Variants in SH3BGRL2 observed in about 807,000 individuals in gnomAD.
The protein encoded by SH3BGRL2 is SH3 domain-binding glutamic acid-rich-like protein 2.
In SH3BGRL2, 21 loss-of-function variants were observed where a neutral mutation model predicts 14.8. The observed-to-expected ratio is 1.42, with a 90% CI of 1.01 to 2.05. SH3BGRL2 has a LOEUF of 2.05. Among genes scored for constraint, SH3BGRL2 ranks in the 30% most tolerant of loss-of-function variants. The pLI, the probability that SH3BGRL2 is intolerant of heterozygous loss-of-function variation, is 0.00. For missense variants in SH3BGRL2, 147 were observed against 130.8 expected, an observed-to-expected ratio of 1.12 and a Z score of -0.61; for synonymous variants, 50 against 47.8, an observed-to-expected ratio of 1.05 and a Z score of -0.19.
At chr6:79,631,574 G>T (rs1346824838) in intron 1 of SH3BGRL2, 68 bp downstream of exon 1, 2 of 1,259,150 alleles carry the variant, frequency 1.6e-6, no homozygotes, top group African/African-American at 1.5e-5. Flanking sequence ...GGCGCGCGGC[G>T]CTCGTCACTG....
chr6:79,579,551 G>A, the SH3BGRL2 span, among the ~76,000 whole-genome samples: 1 of 152,120 alleles, frequency 6.6e-6, no homozygotes, highest in African/African-American at 2.4e-5. Context: ...GCCAAACTAA[G>A]CTTCATAAGT....
chr6:79,546,768 CT>C, the SH3BGRL2 span, among the ~76,000 whole-genome samples: 1 of 151,624 alleles, frequency 6.6e-6, no homozygotes, highest in South Asian at 2.1e-4. Flanking sequence ...TCTCAGCTCA[CT>C]GTAACCTCCG....
At chr6:79,671,649 C>T (rs1769775295) in intron 1 of SH3BGRL2, among the ~76,000 whole-genome samples, 1 of 152,204 alleles carries the variant, frequency 6.6e-6, no homozygotes, top group East Asian at 1.9e-4. Flanking sequence ...GCTATTTGGA[C>T]TCTGGAATTA....
chr6:79,539,273 T>C, the SH3BGRL2 span, among the ~76,000 whole-genome samples: 1 of 152,234 alleles, frequency 6.6e-6, no homozygotes, highest in Non-Finnish European at 1.5e-5. Flanking sequence ...TTTATGACAT[T>C]ACATGGTTTT....
chr6:79,684,586 A>G (rs1562157567), intron 2 of SH3BGRL2, among the ~76,000 whole-genome samples: 1 of 152,180 alleles, frequency 6.6e-6, no homozygotes, highest in African/African-American at 2.4e-5. Context: ...CTGTTGGGAC[A>G]TGCCTTGTCA....
chr6:79,668,419 C>T (rs748126775), intron 1 of SH3BGRL2, among the ~76,000 whole-genome samples: 3 of 152,190 alleles, frequency 2.0e-5, no homozygotes, highest in Non-Finnish European at 4.4e-5. Context: ...CAGGAGACCC[C>T]GCAGCTTACT....
chr6:79,664,268 G>T (rs993233830), intron 1 of SH3BGRL2, among the ~76,000 whole-genome samples: 1 of 152,250 alleles, frequency 6.6e-6, no homozygotes, highest in African/African-American at 2.4e-5. Context: ...GGGATCTGCA[G>T]ACTGGAGCTG....
chr6:79,570,705 C>T, the SH3BGRL2 span, among the ~76,000 whole-genome samples: 1 of 152,192 alleles, frequency 6.6e-6, no homozygotes, highest in African/African-American at 2.4e-5. Context: ...TGTTCCAAGG[C>T]TAGAGATAAG....
At chr6:79,579,505 A>C in the SH3BGRL2 span, among the ~76,000 whole-genome samples, 1 of 152,228 alleles carries the variant, frequency 6.6e-6, no homozygotes, top group Non-Finnish European at 1.5e-5. Flanking sequence ...CAACATTCTT[A>C]AAGAAAAGAA....
intron 2 of SH3BGRL2, among the ~76,000 whole-genome samples, chr6:79,691,717 G>C (rs1463631962): frequency 2.0e-5 from 3 of 151,012 alleles, no homozygotes; most frequent in African/African-American, 4.9e-5. Context: ...AGTATTCCAT[G>C]GTGTATATGT....
At chr6:79,686,958 C>T (rs900532004) in intron 2 of SH3BGRL2, among the ~76,000 whole-genome samples, 3 of 152,160 alleles carry the variant, frequency 2.0e-5, no homozygotes, top group Non-Finnish European at 2.9e-5. Context: ...TTTTCCCTTT[C>T]TGTGTCTGAT....
the SH3BGRL2 span, among the ~76,000 whole-genome samples, chr6:79,588,703 T>G: frequency 3.3e-5 from 5 of 152,202 alleles, no homozygotes; most frequent in Non-Finnish European, 2.9e-5. Flanking sequence ...ATGCTTTGCT[T>G]CCACATAGGT....
intron 1 of SH3BGRL2, among the ~76,000 whole-genome samples, chr6:79,665,336 T>C (rs1345351604): frequency 2.0e-5 from 3 of 152,224 alleles, no homozygotes; most frequent in African/African-American, 7.2e-5. Flanking sequence ...ATAAGATAGC[T>C]ATGGAGATTT....
upstream of SH3BGRL2, chr6:79,631,206 G>A (rs16879589): frequency 6.0e-4 from 229 of 381,978 alleles, 3 homozygotes; most frequent in East Asian, 8.1e-3. Flanking sequence ...ACTCCAGGGA[G>A]AGACGGAAAC....
chr6:79,659,222 GT>G lies in SH3BGRL2; in HGVS notation c.46-14391del, dbSNP rs562997897. On this transcript the variant is annotated intron_variant, in intron 1 of 3. Coordinates refer to ENST00000369838, the MANE Select transcript of SH3BGRL2 (RefSeq NM_031469.4). ...TCCTGAAGTCCTTGCCCATACCTAT[GT>G]CCTGAATGGTATTGACTAGGTTTTC... Among the ~76,000 whole-genome samples, 513 of 152,222 alleles carry G rather than the reference GT, an allele frequency of 3.4e-3. 6 individuals carry two copies. The highest frequency in any genetic ancestry group is 0.011 in the African/African-American group (464 of 41,538).
the SH3BGRL2 span, among the ~76,000 whole-genome samples, chr6:79,553,895 G>C: frequency 6.6e-6 from 1 of 151,854 alleles, no homozygotes; most frequent in South Asian, 2.1e-4. Flanking sequence ...TTGAACCCGG[G>C]AGGCAGAGGT....
chr6:79,696,078 G>T (rs1175019025), intron 2 of SH3BGRL2, among the ~76,000 whole-genome samples: 2 of 152,110 alleles, frequency 1.3e-5, no homozygotes, highest in Non-Finnish European at 2.9e-5. Flanking sequence ...TGTTTACCCA[G>T]TGATTTTTTC....
chr6:79,597,289 A>G, the SH3BGRL2 span, among the ~76,000 whole-genome samples: 1 of 123,180 alleles, frequency 8.1e-6, no homozygotes, highest in African/African-American at 2.8e-5. Flanking sequence ...AGAGAAAGAA[A>G]GAGAGAAAGA....
chr6:79,665,883 T>A (rs1289651097), intron 1 of SH3BGRL2, among the ~76,000 whole-genome samples: 1 of 152,356 alleles, frequency 6.6e-6, no homozygotes, highest in Admixed American at 6.5e-5. Flanking sequence ...TCTTTATCCT[T>A]GGCTTGGTAA....
Sources: gnomAD v4.1 joint callset for allele counts (sites outside exome capture counted in the v4.1 genomes callset) on GRCh38, gnomAD v4.1.1 for gene constraint, MANE v1.5 for transcripts, NCBI Gene and HGNC (gene_info 2026-07-23, HGNC 2026-07-21) for gene names.